IGF1R: variants seen among roughly 807,000 people sequenced by gnomAD.
The protein encoded by IGF1R is insulin like growth factor 1 receptor.
A neutral mutation model predicts 144.6 loss-of-function variants in IGF1R; 44 were observed. The observed-to-expected ratio is 0.30, with a 90% confidence interval of 0.24 to 0.39. The LOEUF (loss-of-function observed/expected upper bound fraction) is 0.39. Ranked by LOEUF, IGF1R falls within the 10% of genes least tolerant of loss-of-function variation. The probability of loss-of-function intolerance (pLI) is 1.00; values close to 1 mark genes in which losing one functional copy is unlikely to be tolerated. For synonymous variants in IGF1R, 795 were observed against 722.8 expected (o/e 1.10, Z -1.60); for missense variants, 1,355 against 1,833.7 (o/e 0.74, Z 4.77).
intron 2 of IGF1R, among the ~76,000 whole-genome samples, chr15:98,869,884 A>G (rs1407031679): frequency 1.3e-5 from 2 of 152,140 alleles, no homozygotes; most frequent in Non-Finnish European, 2.9e-5. Context: ...ACCTGTCTCT[A>G]TCTGTGTGTA....
intron 2 of IGF1R, among the ~76,000 whole-genome samples, chr15:98,727,015 C>A (rs994070056): frequency 7.2e-5 from 11 of 152,182 alleles, no homozygotes; most frequent in African/African-American, 2.7e-4. Flanking sequence ...GCCGCCACAC[C>A]TGGCCTGATG....
chr15:98,898,059 G>C (rs1389995489), intron 4 of IGF1R, among the ~76,000 whole-genome samples: 1 of 152,062 alleles, frequency 6.6e-6, no homozygotes, highest in Non-Finnish European at 1.5e-5. Flanking sequence ...TAGTTCTTCT[G>C]AATTAGTTGA....
At chr15:98,900,866 C>T (rs1429730819) in intron 5 of IGF1R, 1 of 151,750 alleles carries the variant, frequency 6.6e-6, no homozygotes, top group Admixed American at 6.6e-5. Context: ...TGTCTGTGAG[C>T]ATTTCTTCTT....
intron 1 of IGF1R, among the ~76,000 whole-genome samples, chr15:98,659,748 A>G (rs1180467372): frequency 6.6e-6 from 1 of 152,210 alleles, no homozygotes; most frequent in Non-Finnish European, 1.5e-5. Flanking sequence ...GCTCCAAAAT[A>G]TTTGAGATTA....
chr15:98,683,329 A>G (rs2053238833), intron 1 of IGF1R, among the ~76,000 whole-genome samples: 1 of 152,164 alleles, frequency 6.6e-6, no homozygotes, highest in South Asian at 2.1e-4. Flanking sequence ...CTAAAAGTAA[A>G]GTGTTCTGTT....
chr15:98,688,368 C>T (rs554687081), intron 1 of IGF1R, among the ~76,000 whole-genome samples: 14 of 151,558 alleles, frequency 9.2e-5, no homozygotes, highest in East Asian at 5.9e-4. Context: ...CTCTCTCCCC[C>T]GCTCCCAACT....
intron 2 of IGF1R, among the ~76,000 whole-genome samples, chr15:98,833,290 C>T (rs925972515): frequency 6.6e-6 from 1 of 152,212 alleles, no homozygotes; most frequent in South Asian, 2.1e-4. Context: ...TCATTGATGG[C>T]TCTCAGTATT....
chr15:98,771,398 A>G (rs1317116707), intron 2 of IGF1R, among the ~76,000 whole-genome samples: 2 of 152,046 alleles, frequency 1.3e-5, no homozygotes, highest in African/African-American at 4.8e-5. Flanking sequence ...CTGCCGTTTC[A>G]TAGGGGTTCT....
chr15:98,871,384 G>A (rs2012777538), intron 2 of IGF1R, among the ~76,000 whole-genome samples: 1 of 152,216 alleles, frequency 6.6e-6, no homozygotes, highest in South Asian at 2.1e-4. Context: ...TCTCAGCCCA[G>A]TAATTAATAA....
chr15:98,851,477 C>G (rs1351349065), intron 2 of IGF1R, among the ~76,000 whole-genome samples: 1 of 152,178 alleles, frequency 6.6e-6, no homozygotes, highest in South Asian at 2.1e-4. Context: ...TGTCCAGCCT[C>G]CCCCTCCCCG....
intron 2 of IGF1R, among the ~76,000 whole-genome samples, chr15:98,846,123 C>G (rs565906430): frequency 2.4e-4 from 37 of 152,332 alleles, no homozygotes; most frequent in African/African-American, 8.7e-4. Context: ...ACTGTATATA[C>G]ATTTCTCCCC....
At chr15:98,871,179 A>G (rs1567170880) in intron 2 of IGF1R, among the ~76,000 whole-genome samples, 1 of 152,374 alleles carries the variant, frequency 6.6e-6, no homozygotes, top group Middle Eastern at 3.4e-3. Flanking sequence ...ATTTAGACCC[A>G]GCTCTCAAGC....
chr15:98,649,554 A>C lies in IGF1R; in HGVS notation c.-28A>C. ...TTTTTTTTTTTTTTTTTTTTTGAGA[A>C]AGGGGAATTTCATCCCAAATAAAAG... On this transcript the variant is annotated 5_prime_UTR_variant, in exon 1 of 21. Coordinates refer to ENST00000650285, the MANE Select transcript of IGF1R (RefSeq NM_000875.5). 2.1e-6 allele frequency: 2 copies of C among 944,780 alleles called. No homozygotes were observed. Among genetic ancestry groups the C allele is most frequent in the Non-Finnish European group, 3.2e-6 (2 of 626,014 alleles). The allele number at this position is 944,780 out of a possible 1,614,324, so 58.5% of individuals were successfully genotyped here.
At chr15:98,947,506 C>A (rs2016598358) in intron 19 of IGF1R, among the ~76,000 whole-genome samples, 1 of 152,094 alleles carries the variant, frequency 6.6e-6, no homozygotes, top group Admixed American at 6.6e-5. Flanking sequence ...TGATGAGTAG[C>A]CTATTTTACT....
In IGF1R at chr15:98,649,547, TTTGAG is replaced by T; in HGVS notation, c.-34_-30del. On this transcript the variant is annotated 5_prime_UTR_variant, in exon 1 of 21. Transcript: ENST00000650285. Reference sequence around the variant, plus strand: ...TTTCTTTTTTTTTTTTTTTTTTTTTTTTGAGAAAGGGGAATTTCATCCCAAATAAA... The same window carrying T: ...TTTCTTTTTTTTTTTTTTTTTTTTTTAAAGGGGAATTTCATCCCAAATAAA... 1 of 690,784 alleles carries T rather than the reference TTTGAG, an allele frequency of 1.4e-6. No individual in the cohort carries two copies. Among genetic ancestry groups the T allele is most frequent in the Non-Finnish European group, 2.2e-6 (1 of 453,098 alleles). The allele number at this position is 690,784 out of a possible 1,614,324, so 42.8% of individuals were successfully genotyped here.
At chr15:98,909,898 A>G (rs1705063282) in intron 6 of IGF1R, among the ~76,000 whole-genome samples, 1 of 152,078 alleles carries the variant, frequency 6.6e-6, no homozygotes, top group Admixed American at 6.5e-5. Context: ...GGCTGTTGAG[A>G]ATGGCGTGGC....
At chr15:98,843,725 G>T (rs45517845) in intron 2 of IGF1R, among the ~76,000 whole-genome samples, 2 of 152,086 alleles carry the variant, frequency 1.3e-5, no homozygotes. Context: ...GAAATTCACC[G>T]CTGGTTATAG....
chr15:98,890,515 CCAG>C (rs919717219), intron 2 of IGF1R: 1 of 152,222 alleles, frequency 6.6e-6, no homozygotes, highest in African/African-American at 2.4e-5. Flanking sequence ...AAATGGGCAA[CCAG>C]CAGCCTTCCA....
intron 2 of IGF1R, among the ~76,000 whole-genome samples, chr15:98,828,401 G>A (rs909272422): frequency 3.3e-5 from 5 of 152,098 alleles, no homozygotes; most frequent in Non-Finnish European, 5.9e-5. Context: ...CCATCCATAG[G>A]ATGGTTGGCC....
Sources: gnomAD v4.1 joint callset for allele counts (sites outside exome capture counted in the v4.1 genomes callset) on GRCh38, gnomAD v4.1.1 for gene constraint, MANE v1.5 for transcripts, NCBI Gene and HGNC (gene_info 2026-07-23, HGNC 2026-07-21) for gene names.